The following OPCML variants were observed in gnomAD, a reference collection of about 807,000 sequenced individuals.
OPCML encodes the protein opioid binding protein/cell adhesion molecule like, also known as opioid-binding protein/cell adhesion molecule.
A neutral mutation model predicts 37.8 loss-of-function variants in OPCML; 13 were observed. That is an observed-to-expected ratio of 0.34 (90% CI 0.22 to 0.55). OPCML has a LOEUF of 0.55. Among genes scored for constraint, OPCML ranks in the 20% least tolerant of loss-of-function variants. The probability of loss-of-function intolerance (pLI) is 0.91; values close to 1 mark genes in which losing one functional copy is unlikely to be tolerated. For missense variants in OPCML, 341 were observed against 435.6 expected, an observed-to-expected ratio of 0.78 and a Z score of 1.93; for synonymous variants, 176 against 168.8, an observed-to-expected ratio of 1.04 and a Z score of -0.33.
intron 3 of OPCML, among the ~76,000 whole-genome samples, chr11:132,636,044 A>G (rs1349094505): frequency 6.6e-6 from 1 of 152,206 alleles, no homozygotes; most frequent in South Asian, 2.1e-4. Flanking sequence ...ACAATTGGGC[A>G]TGTGCTTCCA....
At chr11:132,676,498 A>AG (rs1942707054) in intron 2 of OPCML, among the ~76,000 whole-genome samples, 1 of 151,974 alleles carries the variant, frequency 6.6e-6, no homozygotes. Flanking sequence ...TAAAAAAAAA[A>AG]TCTATAGAAT....
chr11:132,490,964 G>A (rs903237927), intron 4 of OPCML, among the ~76,000 whole-genome samples: 1 of 152,004 alleles, frequency 6.6e-6, no homozygotes, highest in Non-Finnish European at 1.5e-5. Context: ...CACTACATGT[G>A]CACAGGAACT....
At chr11:133,465,694 A>G (rs1670861010) in intron 1 of OPCML, among the ~76,000 whole-genome samples, 1 of 151,476 alleles carries the variant, frequency 6.6e-6, no homozygotes, top group African/African-American at 2.4e-5. Context: ...CAGAAGCTCA[A>G]CTCCCAGTTC....
rs372296138 is a variant in OPCML, at chr11:132,823,588, AAAAC to A, written c.146+119334_146+119337del. ...CATCTAGGGTGCCTCACTTATAAAT[AAAAC>A]AAACAAACAAACAAACAAACAAAAG... On this transcript the variant is annotated intron_variant, in intron 2 of 7. Coordinates refer to ENST00000524381, the MANE Select transcript of OPCML (RefSeq NM_001012393.5). Among the ~76,000 whole-genome samples, 125 of 152,108 alleles carry A rather than the reference AAAAC, an allele frequency of 8.2e-4. 1 individual carries two copies. The South Asian group carries it at 0.017, about 21-fold the overall frequency.
chr11:133,420,299 G>A (rs1945860759), intron 1 of OPCML: 3 of 985,276 alleles, frequency 3.0e-6, no homozygotes, highest in Admixed American at 6.1e-5. Flanking sequence ...GGCACGAAGT[G>A]CAAATTAATC....
chr11:132,447,632 A>T (rs1465788579), intron 4 of OPCML, among the ~76,000 whole-genome samples: 1 of 152,112 alleles, frequency 6.6e-6, no homozygotes, highest in Non-Finnish European at 1.5e-5. Flanking sequence ...TTTAACTGTC[A>T]CCTTTCATTC....
intron 1 of OPCML, among the ~76,000 whole-genome samples, chr11:133,239,115 G>A (rs1252372423): frequency 1.3e-5 from 2 of 152,130 alleles, no homozygotes; most frequent in African/African-American, 4.8e-5. Flanking sequence ...GCAGGGGAAG[G>A]GTGTCTGTAA....
chr11:132,840,001 G>C (rs557281405), intron 2 of OPCML, among the ~76,000 whole-genome samples: 88 of 152,182 alleles, frequency 5.8e-4, no homozygotes, highest in African/African-American at 2.1e-3. Context: ...AGGTCCAGGC[G>C]GGGAGGAGAA....
chr11:133,483,601 G>A (rs1355893764), intron 1 of OPCML, among the ~76,000 whole-genome samples: 1 of 151,542 alleles, frequency 6.6e-6, no homozygotes, highest in Non-Finnish European at 1.5e-5. Flanking sequence ...TTCATAGATA[G>A]AAAGAGATTT....
At chr11:132,916,984 G>C (rs1319109811) in intron 2 of OPCML, among the ~76,000 whole-genome samples, 1 of 152,150 alleles carries the variant, frequency 6.6e-6, no homozygotes, top group East Asian at 1.9e-4. Flanking sequence ...TGAGGTCCCA[G>C]AGTTTGTTTT....
chr11:133,065,496 T>TA (rs1948427089), intron 1 of OPCML: 1 of 152,258 alleles, frequency 6.6e-6, no homozygotes, highest in African/African-American at 2.4e-5. Flanking sequence ...AAGCCGTTGT[T>TA]ACACGATATT....
intron 3 of OPCML, among the ~76,000 whole-genome samples, chr11:132,568,006 T>A (rs991845729): frequency 2.0e-5 from 3 of 151,200 alleles, no homozygotes; most frequent in African/African-American, 7.3e-5. Flanking sequence ...TAGAAAGGGG[T>A]CCCTGGACCG....
At chr11:132,962,198 T>C (rs534940162) in intron 1 of OPCML, among the ~76,000 whole-genome samples, 2 of 152,264 alleles carry the variant, frequency 1.3e-5, no homozygotes, top group Admixed American at 1.3e-4. Context: ...CTTGTAACAC[T>C]GTACAACAGA....
chr11:133,182,820 A>G (rs1212488821), intron 1 of OPCML, among the ~76,000 whole-genome samples: 3 of 152,220 alleles, frequency 2.0e-5, no homozygotes, highest in African/African-American at 4.8e-5. Flanking sequence ...AAGGATGTGC[A>G]TATATATGAT....
chr11:133,471,305 A>G (rs1379031274), intron 1 of OPCML, among the ~76,000 whole-genome samples: 1 of 152,234 alleles, frequency 6.6e-6, no homozygotes, highest in Non-Finnish European at 1.5e-5. Flanking sequence ...AATCAAAGGA[A>G]TATGTAAAAT....
chr11:133,232,982 C>A (rs923066051), intron 1 of OPCML, among the ~76,000 whole-genome samples: 26 of 152,286 alleles, frequency 1.7e-4, no homozygotes, highest in Middle Eastern at 6.8e-3. Context: ...CTAAATAACA[C>A]CTGCTTCCAC....
chr11:132,778,667 C>T (rs1250491661), intron 2 of OPCML, among the ~76,000 whole-genome samples: 1 of 152,004 alleles, frequency 6.6e-6, no homozygotes, highest in Non-Finnish European at 1.5e-5. Context: ...TAGGACACCA[C>T]CAACAAATAA....
At position 132,610,228 on chromosome 11, in the gene OPCML, T is replaced by C. The variant is rs528846834; in HGVS notation, c.379+46859A>G. Among the ~76,000 whole-genome samples the C allele has an allele frequency of 3.3e-5, 5 of 152,298 alleles. No homozygotes were observed. The South Asian group carries it at 1.0e-3, about 32-fold the overall frequency. ...TCTCCAGCCCCTCCTCTCCATAATA[T>C]AACAGAGTGCTTACATCTAGAGGGA... On this transcript the variant is annotated intron_variant, in intron 3 of 7. Coordinates refer to ENST00000524381, the MANE Select transcript of OPCML (RefSeq NM_001012393.5).
intron 1 of OPCML, among the ~76,000 whole-genome samples, chr11:133,330,703 G>A (rs543841364): frequency 5.9e-5 from 9 of 151,490 alleles, no homozygotes; most frequent in South Asian, 2.1e-4. Flanking sequence ...GGGGGAGGGC[G>A]GAAGGATAGC....
Sources: gnomAD v4.1 joint callset for allele counts (sites outside exome capture counted in the v4.1 genomes callset) on GRCh38, gnomAD v4.1.1 for gene constraint, MANE v1.5 for transcripts, NCBI Gene and HGNC (gene_info 2026-07-23, HGNC 2026-07-21) for gene names.